Variants in PRMT8 observed in about 807,000 individuals in gnomAD.
The protein encoded by PRMT8 is protein arginine N-methyltransferase 8.
Under a neutral mutation model 47.1 loss-of-function variants are expected in PRMT8, and 7 were observed. That is an observed-to-expected ratio of 0.15 (90% confidence interval 0.08 to 0.28). The LOEUF (loss-of-function observed/expected upper bound fraction) is 0.28, where lower values mean the gene tolerates loss of function less well. Ranked by LOEUF, PRMT8 falls within the 10% of genes least tolerant of loss-of-function variation. PRMT8 has a pLI of 1.00. For synonymous variants in PRMT8, 188 were observed against 186.5 expected (o/e 1.01, Z -0.07); for missense variants, 237 against 505.4 (o/e 0.47, Z 5.09).
chr12:3,540,703 G>C lies in PRMT8; in HGVS notation c.173G>C (p.Arg58Pro). The change falls in exon 2 of 10, where the codon CGG (arginine) becomes CCG (proline). Residue 58 changes from arginine (R) to proline (P), a missense_variant. Physicochemically the swap from Arg to Pro is moderately radical, Grantham distance 103 (BLOSUM62 -2). This residue lies in a region of PRMT8 where 32 missense variants were observed against 73.7 expected (regional missense o/e 0.43). Coordinates refer to ENST00000382622, the MANE Select transcript of PRMT8 (RefSeq NM_019854.5). ...HVSTQPSCPGRGKMSKLLNPE... is the reference protein window; with the variant it reads ...HVSTQPSCPGPGKMSKLLNPE... ...TCCACTCAACCCAGCTGCCCAGGAC[G>C]GGGCAAGATGTCCAAGCTGCTGAAC... 1 of 1,541,366 alleles carries C rather than the reference G, an allele frequency of 6.5e-7. No homozygotes were observed. The highest frequency in any genetic ancestry group is 8.8e-7 in the Non-Finnish European group (1 of 1,134,674).
intron 4 of PRMT8, among the ~76,000 whole-genome samples, chr12:3,561,123 T>C (rs1866629190): frequency 6.6e-6 from 1 of 152,234 alleles, no homozygotes; most frequent in Non-Finnish European, 1.5e-5. Flanking sequence ...ACATCCCCAG[T>C]TCCTTCCTCT....
chr12:3,403,675 T>G (rs1864342510), intron 1 of PRMT8, among the ~76,000 whole-genome samples: 1 of 151,936 alleles, frequency 6.6e-6, no homozygotes, highest in Non-Finnish European at 1.5e-5. Flanking sequence ...GCTCAGGAGC[T>G]TGAGACCAAC....
intron 1 of PRMT8, among the ~76,000 whole-genome samples, chr12:3,475,337 T>C (rs1865201223): frequency 6.6e-6 from 1 of 152,210 alleles, no homozygotes; most frequent in Non-Finnish European, 1.5e-5. Flanking sequence ...TCTGGCTAGC[T>C]GATAGAATCG....
At position 3,524,332 on chromosome 12, in the gene PRMT8, C is replaced by T. The variant is rs188597432; in HGVS notation, c.76-16274C>T. ...CGCATACAGTGGTCCATTTCCAAGA[C>T]AAAGTGCCTTAAATTGGCTTAGGTC... is the stretch of plus-strand genomic sequence containing the variant. On this transcript the variant is annotated intron_variant, in intron 1 of 9. Transcript: ENST00000382622. 1.3e-3 allele frequency among the ~76,000 whole-genome samples: 198 copies of T among 152,174 alleles called. 1 individual carries two copies. The highest frequency in any genetic ancestry group is 4.7e-3 in the African/African-American group (194 of 41,532).
At chr12:3,534,156 G>C in intron 1 of PRMT8, among the ~76,000 whole-genome samples, 1 of 152,362 alleles carries the variant, frequency 6.6e-6, no homozygotes, top group East Asian at 1.9e-4. Flanking sequence ...TCTTCCCTCC[G>C]TGGGCCCTCC....
intron 1 of PRMT8, among the ~76,000 whole-genome samples, chr12:3,405,134 A>C (rs1864359727): frequency 6.6e-6 from 1 of 152,188 alleles, no homozygotes; most frequent in Non-Finnish European, 1.5e-5. Context: ...GGAAGCTTAC[A>C]ATCATGGCAG....
intron 1 of PRMT8, among the ~76,000 whole-genome samples, chr12:3,397,574 A>G (rs920929920): frequency 4.0e-5 from 6 of 151,586 alleles, no homozygotes; most frequent in Non-Finnish European, 7.4e-5. Flanking sequence ...CCGTTCTCAG[A>G]TCTCCAGCTG....
chr12:3,491,833 TGTGTGTGTGTGTGTGTG>T lies in PRMT8; in HGVS notation c.75+134_75+150del, dbSNP rs1332133676. On this transcript the variant is annotated intron_variant, in intron 1 of 9. Transcript: ENST00000382622. ...CCGCTCGCTTCTGCCGGCCTCCTCC[TGTGTGTGTGTGTGTGTG>T]TGTGTGTGTGTGTGTGTGTGTGTGT... 132 of 43,784 alleles carry T rather than the reference TGTGTGTGTGTGTGTGTG, an allele frequency of 3.0e-3. 2 individuals are homozygous for T. The highest frequency in any genetic ancestry group is 0.012 in the Admixed American group (24 of 2,050). 2.7% of individuals were successfully genotyped at this position (43,784 alleles called of 1,614,324 possible). A position where few individuals can be genotyped will look rare whatever the true frequency, so the allele number is the denominator to read the frequency against.
At chr12:3,463,916 T>G (rs2137089907) in intron 1 of PRMT8, among the ~76,000 whole-genome samples, 1 of 152,350 alleles carries the variant, frequency 6.6e-6, no homozygotes, top group East Asian at 1.9e-4. Context: ...AGGATAATGC[T>G]TCCGTCTTGA....
At chr12:3,539,994 G>A (rs1866191472) in intron 1 of PRMT8, among the ~76,000 whole-genome samples, 1 of 152,186 alleles carries the variant, frequency 6.6e-6, no homozygotes, top group African/African-American at 2.4e-5. Flanking sequence ...ACGTTCCTGA[G>A]GATGCAGGTG....
intron 1 of PRMT8, among the ~76,000 whole-genome samples, chr12:3,431,111 A>G (rs1395958021): frequency 6.6e-6 from 1 of 152,190 alleles, no homozygotes; most frequent in Non-Finnish European, 1.5e-5. Flanking sequence ...TAAGGAATTT[A>G]GATTTGGTTT....
chr12:3,526,461 C>T (rs970514672), intron 1 of PRMT8, among the ~76,000 whole-genome samples: 1 of 152,148 alleles, frequency 6.6e-6, no homozygotes, highest in African/African-American at 2.4e-5. Context: ...AGCAGCTGTG[C>T]CATTTTACAC....
rs1023012320 is a variant in PRMT8, at chr12:3,580,370, G to A, written c.829-2688G>A. Among the ~76,000 whole-genome samples, 12 of 147,470 alleles carry A rather than the reference G, an allele frequency of 8.1e-5. No homozygotes were observed. The highest frequency in any genetic ancestry group is 2.5e-4 in the African/African-American group (10 of 39,930). ...TGTGTGTGTGTGTGTGTGTGTGTAC[G>A]CGTGCGCATGCGGGATAGAAGGAGA... is the stretch of plus-strand genomic sequence containing the variant. On this transcript the variant is annotated intron_variant, in intron 7 of 9. Coordinates refer to ENST00000382622, the MANE Select transcript of PRMT8 (RefSeq NM_019854.5). This position sits in a 1 kb window ranked among gnomAD's most constrained non-coding sequence, Gnocchi z 4.6.
upstream of PRMT8, among the ~76,000 whole-genome samples, chr12:3,490,675 A>AGAGAG (rs1865374699): frequency 8.3e-6 from 1 of 121,084 alleles, no homozygotes; most frequent in African/African-American, 3.1e-5. Flanking sequence ...TTTGGGTACA[A>AGAGAG]AGAGAGAGAG....
intron 2 of PRMT8, among the ~76,000 whole-genome samples, chr12:3,541,691 A>G (rs1866233034): frequency 6.6e-6 from 1 of 152,214 alleles, no homozygotes; most frequent in African/African-American, 2.4e-5. Flanking sequence ...AACTCTTCCT[A>G]TGTGGAAATG....
chr12:3,534,249 G>A (rs570697006), intron 1 of PRMT8, among the ~76,000 whole-genome samples: 1 of 152,370 alleles, frequency 6.6e-6, no homozygotes, highest in Admixed American at 6.5e-5. Context: ...GCAGGATTTG[G>A]CTCCTCTAGT....
intron 1 of PRMT8, among the ~76,000 whole-genome samples, chr12:3,414,870 C>T (rs1466813436): frequency 2.6e-5 from 4 of 152,008 alleles, no homozygotes; most frequent in African/African-American, 9.7e-5. Flanking sequence ...TGCTCAGTCG[C>T]TTGTGTTGCT....
At chr12:3,520,576 T>TA (rs1311036468) in intron 1 of PRMT8, among the ~76,000 whole-genome samples, 1 of 152,130 alleles carries the variant, frequency 6.6e-6, no homozygotes, top group Non-Finnish European at 1.5e-5. Flanking sequence ...AACCAAACCT[T>TA]AAAAAACTCC....
In PRMT8 at chr12:3,510,253, C is replaced by T. The variant is rs762836836; in HGVS notation, c.75+18553C>T. ...GAGTGGACATGACCCCTGCTCCCAG[C>T]GTGGTCCAGGTCCCTTTACTCATGT... On this transcript the variant is annotated intron_variant, in intron 1 of 9. Coordinates refer to ENST00000382622, the MANE Select transcript of PRMT8 (RefSeq NM_019854.5). Among the ~76,000 whole-genome samples, 16 of 152,230 alleles carry T rather than the reference C, an allele frequency of 1.1e-4. 1 individual carries two copies. The South Asian group carries it at 2.9e-3, about 28-fold the overall frequency.
Sources: gnomAD v4.1 joint callset for allele counts (sites outside exome capture counted in the v4.1 genomes callset) on GRCh38, gnomAD v4.1.1 for gene constraint, gnomAD v4.1.1 regional missense constraint, Gnocchi (gnomAD v3.1) non-coding constraint, MANE v1.5 for transcripts, NCBI Gene and HGNC (gene_info 2026-07-23, HGNC 2026-07-21) for gene names.